FAT4: variants seen among roughly 807,000 people sequenced by gnomAD.
FAT4 encodes protocadherin Fat 4.
In FAT4, 84 loss-of-function variants were observed where a neutral mutation model predicts 303.9. The observed-to-expected ratio is 0.28, with a 90% CI of 0.23 to 0.33. The LOEUF (loss-of-function observed/expected upper bound fraction) is 0.33. Among genes scored for constraint, FAT4 ranks in the 10% least tolerant of loss-of-function variants. FAT4 has a pLI of 1.00. For missense variants in FAT4, 6,005 were observed against 6,146.8 expected (o/e 0.98, Z 0.77); for synonymous variants, 2,307 against 2,298.8 (o/e 1.00, Z -0.10).
rs530539528 is a variant in FAT4, at chr4:125,396,116, A to G, written c.5176-2668A>G. ...GATTCATTATGTTTTTTTAACACACACGCATGAGACTGTGTAAGTTTTCTT... is the reference window on the plus strand; with the variant it reads ...GATTCATTATGTTTTTTTAACACACGCGCATGAGACTGTGTAAGTTTTCTT... On this transcript the variant is annotated intron_variant, in intron 2 of 17. Transcript: ENST00000394329. Among the ~76,000 whole-genome samples the G allele has an allele frequency of 1.1e-4, 16 of 152,202 alleles. No individual in the cohort carries two copies. The South Asian group carries it at 1.4e-3, about 14-fold the overall frequency.
chr4:125,339,173 CT>C (rs970715081), intron 2 of FAT4, among the ~76,000 whole-genome samples: 1 of 151,738 alleles, frequency 6.6e-6, no homozygotes. Context: ...ACATTATCTC[CT>C]TTTTTTTGAG....
intron 8 of FAT4, among the ~76,000 whole-genome samples, chr4:125,437,550 G>C (rs1364009822): frequency 6.6e-6 from 1 of 152,156 alleles, no homozygotes; most frequent in African/African-American, 2.4e-5. Flanking sequence ...AGAGGACTGA[G>C]AAATTTCTGT....
chr4:125,332,068 C>CT (rs1443785704), intron 2 of FAT4, among the ~76,000 whole-genome samples: 2 of 151,786 alleles, frequency 1.3e-5, no homozygotes, highest in African/African-American at 4.8e-5. Context: ...TGCTCTTCCC[C>CT]TTTTTCCTCA....
intron 9 of FAT4, 35 bp downstream of exon 9, chr4:125,446,578 A>G: frequency 3.9e-6 from 6 of 1,533,692 alleles, no homozygotes; most frequent in Non-Finnish European, 5.3e-6. Flanking sequence ...CATGGATATA[A>G]ACAAACTATG....
rs781465335 is a variant in FAT4 at position 125,317,665 on chromosome 4, C to T, written c.1254C>T (p.Ser418=). ...EVQSSKVPNL[S]LIKVASALDR... ...AAAGCAGCAAAGTGCCGAACCTGAG[C>T]CTAATCAAGGTGGCCAGCGCCTTGG... Residue 418 remains serine, a synonymous_variant, in exon 2 of 18, where the codon AGC becomes AGT. Coordinates refer to ENST00000394329, the MANE Select transcript of FAT4 (RefSeq NM_001291303.3). This position sits in a 1 kb window ranked among gnomAD's most constrained non-coding sequence, Gnocchi z 7.0. The T allele has an allele frequency of 6.2e-7, 1 of 1,614,080 alleles. No individual in the cohort carries two copies. Among genetic ancestry groups the T allele is most frequent in the Non-Finnish European group, 8.5e-7 (1 of 1,180,006 alleles).
chr4:125,437,356 A>C (rs1213822111), intron 8 of FAT4, among the ~76,000 whole-genome samples: 1 of 152,210 alleles, frequency 6.6e-6, no homozygotes, highest in African/African-American at 2.4e-5. Context: ...TCTGAAGTTA[A>C]GGAGGCCTGG....
At chr4:125,483,494 A>G (rs1727298848) in intron 16 of FAT4, among the ~76,000 whole-genome samples, 1 of 152,316 alleles carries the variant, frequency 6.6e-6, no homozygotes, top group Non-Finnish European at 1.5e-5. Context: ...GAAAAAAATC[A>G]GAGACACATT....
Position 125,487,596 on chromosome 4 carries a change from T to C in FAT4, c.13074T>C (p.Asp4358=). ...TTCCACCCAATCAAGCACATCGAGATGCCCAAACAGGTAAATGCCTTTATT... is the reference window on the plus strand; with the variant it reads ...TTCCACCCAATCAAGCACATCGAGACGCCCAAACAGGTAAATGCCTTTATT... ...GGIPPNQAHR[D]AQTAGFDGCI... The change falls in exon 17 of 18, where the codon GAT becomes GAC. Residue 4358 remains aspartate (D), a synonymous_variant. Coordinates refer to ENST00000394329, the MANE Select transcript of FAT4 (RefSeq NM_001291303.3). 6.2e-7 allele frequency: 1 copy of C among 1,605,182 alleles called. No homozygotes were observed.
In FAT4 at chr4:125,318,952, G is replaced by C. The variant is rs1488820136; in HGVS notation, c.2541G>C (p.Gln847His). The C allele has an allele frequency of 6.2e-7, 1 of 1,614,184 alleles. No homozygotes were observed. Among genetic ancestry groups the C allele is most frequent in the Non-Finnish European group, 8.5e-7 (1 of 1,180,034 alleles). Residue 847 changes from glutamine (Q) to histidine (H), a missense_variant, in exon 2 of 18, where the codon CAG (glutamine) becomes CAC (histidine). Coordinates refer to ENST00000394329, the MANE Select transcript of FAT4 (RefSeq NM_001291303.3). ...TTGCTATCAACCAGGTCACTGGGCAGCTTACCACAGCAAATGTGATTGATA... is the reference window on the plus strand; with the variant it reads ...TTGCTATCAACCAGGTCACTGGGCACCTTACCACAGCAAATGTGATTGATA... ...GMFAINQVTGQLTTANVIDRE... is the reference protein window; with the variant it reads ...GMFAINQVTGHLTTANVIDRE...
At chr4:125,414,466 A>G (rs1734961374) in intron 5 of FAT4, among the ~76,000 whole-genome samples, 1 of 152,290 alleles carries the variant, frequency 6.6e-6, no homozygotes, top group Admixed American at 6.5e-5. Context: ...GACACGAAAT[A>G]TAGAAGTACA....
At position 125,466,442 on chromosome 4, in the gene FAT4, G is replaced by A. The variant is rs1726664687; in HGVS notation, c.11906-2070G>A. 4.0e-5 allele frequency among the ~76,000 whole-genome samples: 6 copies of A among 151,654 alleles called. No homozygotes were observed. The South Asian group carries it at 1.2e-3, about 32-fold the overall frequency. Reference sequence around the variant, plus strand: ...TGAACACATAATACAAATTTTTTCAGTAGTATTTTTATTTCATTTATATGC... The same window carrying A: ...TGAACACATAATACAAATTTTTTCAATAGTATTTTTATTTCATTTATATGC... On this transcript the variant is annotated intron_variant, in intron 11 of 17. Transcript: ENST00000394329.
intron 5 of FAT4, 78 bp from the exon 6 acceptor site, chr4:125,414,806 A>T: frequency 1.1e-6 from 1 of 942,654 alleles, no homozygotes; most frequent in Non-Finnish European, 1.6e-6. Flanking sequence ...ATGCCAAATT[A>T]CTTGCTAAAA....
chr4:125,441,434 G>A (rs1725657191), intron 8 of FAT4, among the ~76,000 whole-genome samples: 1 of 152,136 alleles, frequency 6.6e-6, no homozygotes, highest in Admixed American at 6.5e-5. Flanking sequence ...CATATGGTTG[G>A]TGTGGGTTAG....
rs1321392407 is a variant in FAT4, at chr4:125,317,882, G to A, written c.1471G>A (p.Gly491Arg). ...GAACCTGAGCGAGGAGGCGCCTCCG[G>A]GAAGCTATGTGAGTGGGATATCTGC... is the stretch of plus-strand genomic sequence containing the variant. The part of the protein sequence containing the change: ...RVNLSEEAPP[G>R]SYVSGISATD... Residue 491 changes from glycine (G) to arginine (R), a missense_variant, in exon 2 of 18, where the codon GGA becomes AGA. Coordinates refer to ENST00000394329, the MANE Select transcript of FAT4 (RefSeq NM_001291303.3). The surrounding 1 kb of genome is among the most constrained non-coding windows in gnomAD (Gnocchi z 7.0). 1 of 1,614,134 alleles carries A rather than the reference G, an allele frequency of 6.2e-7. No individual in the cohort carries two copies. The highest frequency in any genetic ancestry group is 8.5e-7 in the Non-Finnish European group (1 of 1,180,002).
chr4:125,368,052 A>G (rs1055288430), intron 2 of FAT4, among the ~76,000 whole-genome samples: 1 of 152,110 alleles, frequency 6.6e-6, no homozygotes, highest in Non-Finnish European at 1.5e-5. Context: ...GCAATTTAGT[A>G]TTTGTTACTA....
chr4:125,373,549 C>T (rs898039158), intron 2 of FAT4, among the ~76,000 whole-genome samples: 8 of 152,064 alleles, frequency 5.3e-5, no homozygotes, highest in Admixed American at 2.6e-4. Context: ...ATTTGTGTTC[C>T]GTTGGTAACA....
chr4:125,319,574 A>G lies in FAT4; in HGVS notation c.3163A>G (p.Lys1055Glu). Residue 1055 changes from lysine (K) to glutamate (E), a missense_variant, in exon 2 of 18, where the codon AAA (lysine) becomes GAA (glutamate). Lys to Glu is a moderately conservative substitution (Grantham distance 56). Transcript: ENST00000394329. ...ATTCCCAGATGGTCAATTGTATATA[A>G]AAAGTGAACTGGACCGTGAACTTCA... ...GIFPDGQLYI[K>E]SELDRELQDR... 6.2e-7 allele frequency: 1 copy of G among 1,614,176 alleles called. No individual in the cohort carries two copies. The highest frequency in any genetic ancestry group is 8.5e-7 in the Non-Finnish European group (1 of 1,179,990).
intron 7 of FAT4, among the ~76,000 whole-genome samples, chr4:125,424,562 G>A (rs2126035644): frequency 6.6e-6 from 1 of 152,240 alleles, no homozygotes; most frequent in South Asian, 2.1e-4. Flanking sequence ...CAGTCAGTGA[G>A]ACTATTATAC....
At chr4:125,407,203 T>C in intron 4 of FAT4, 62 bp downstream of exon 4, 1 of 1,457,720 alleles carries the variant, frequency 6.9e-7, no homozygotes, top group Non-Finnish European at 9.4e-7. Flanking sequence ...AATTACATAC[T>C]ATGTTTCGGC....
Sources: allele counts gnomAD v4.1 joint callset (sites outside exome capture counted in the v4.1 genomes callset), GRCh38; gene constraint gnomAD v4.1.1; non-coding constraint Gnocchi (gnomAD v3.1); transcripts MANE v1.5; gene names NCBI Gene and HGNC (gene_info 2026-07-23, HGNC 2026-07-21).